The following USP6 variants were observed in gnomAD, a reference collection of about 807,000 sequenced individuals.
USP6 encodes the protein ubiquitin carboxyl-terminal hydrolase 6.
Under a neutral mutation model 175.7 loss-of-function variants are expected in USP6, and 128 were observed. The ratio of observed to expected loss-of-function variants is 0.73; its 90% CI spans 0.63 to 0.84. USP6 has a LOEUF of 0.84. Among genes scored for constraint, USP6 ranks in the 40% least tolerant of loss-of-function variants. USP6 has a pLI of 0.00. For synonymous variants in USP6, 562 were observed against 630.6 expected (o/e 0.89, Z 1.63); for missense variants, 1,498 against 1,760.3 (o/e 0.85, Z 2.67).
intron 3 of USP6, among the ~76,000 whole-genome samples, chr17:5,121,048 G>A (rs894394821): frequency 1.3e-5 from 2 of 152,192 alleles, no homozygotes; most frequent in African/African-American, 4.8e-5. Flanking sequence ...CTGTTTACAG[G>A]ATGTGTGTAT....
Position 5,141,180 on chromosome 17 carries a change from C to G in USP6, c.1499-245C>G, listed in dbSNP as rs143171839. ...AGGTTTGTAGCCAAGGAGCAACAGC[C>G]TATACCATACATAGCCTAGGTTTGT... On this transcript the variant is annotated intron_variant, in intron 22 of 37. Transcript: ENST00000574788. Among the ~76,000 whole-genome samples the G allele has an allele frequency of 3.2e-3, 486 of 152,252 alleles. 4 individuals are homozygous for G. Among genetic ancestry groups the G allele is most frequent in the African/African-American group, 9.6e-3 (399 of 41,554 alleles).
At chr17:5,156,652 T>C (rs1390246078) in intron 31 of USP6, among the ~76,000 whole-genome samples, 3 of 152,142 alleles carry the variant, frequency 2.0e-5, no homozygotes, top group Non-Finnish European at 4.4e-5. Flanking sequence ...AGTTCTGTTT[T>C]ATGGTAACTA....
chr17:5,132,381 T>C lies in USP6; in HGVS notation c.156-15T>C. 1 of 1,612,200 alleles carries C rather than the reference T, an allele frequency of 6.2e-7. No homozygotes were observed. Among genetic ancestry groups the C allele is most frequent in the Non-Finnish European group, 8.5e-7 (1 of 1,179,842 alleles). On this transcript the variant is annotated splice_polypyrimidine_tract_variant and intron_variant, in intron 11 of 37. Transcript: ENST00000574788. This position sits in a 1 kb window ranked among gnomAD's most constrained non-coding sequence, Gnocchi z 4.7. ...CCCTGTGCACGTCCTCAGCTCTGCC[T>C]GGGTTGCCTTACAGTGAGACGGAGC...
intron 2 of USP6, among the ~76,000 whole-genome samples, chr17:5,119,058 C>T (rs529540342): frequency 1.3e-5 from 2 of 152,332 alleles, no homozygotes; most frequent in East Asian, 1.9e-4. Flanking sequence ...CCTGCCACAT[C>T]TGCTTAGAAT....
rs561649738 is a variant in USP6 at position 5,138,947 on chromosome 17, T to A, written c.1079-308T>A. On this transcript the variant is annotated intron_variant, in intron 21 of 37. Coordinates refer to ENST00000574788, the MANE Select transcript of USP6 (RefSeq NM_001304284.2). ...ACATCCAAGGCCCCTCCCACTTGAG[T>A]TCTGATGGGGGGCCATATCCCAGGC... The A allele has an allele frequency of 1.5e-4, 208 of 1,386,142 alleles. 8 individuals carry two copies. In the Admixed American group the frequency reaches 4.1e-3, roughly 27 times the overall value. The allele number at this position is 1,386,142 out of a possible 1,614,324, so 85.9% of individuals were successfully genotyped here. A position where few individuals can be genotyped will look rare whatever the true frequency, so the allele number is the denominator to read the frequency against.
At chr17:5,134,107 A>G (rs996417030) in intron 15 of USP6, 111 bp downstream of exon 15, 1 of 1,182,458 alleles carries the variant, frequency 8.5e-7, no homozygotes, top group Non-Finnish European at 1.2e-6. Context: ...AGAGCTGCCA[A>G]GAGCTCTCCT....
intron 22 of USP6, among the ~76,000 whole-genome samples, chr17:5,140,624 T>C (rs1392704543): frequency 6.6e-6 from 1 of 152,192 alleles, no homozygotes; most frequent in Admixed American, 6.5e-5. Context: ...AACTAAATAA[T>C]AATGTGAACT....
intron 3 of USP6, 112 bp from the exon 4 acceptor site, chr17:5,121,263 C>T (rs1336657121): frequency 8.2e-6 from 3 of 365,614 alleles, no homozygotes; most frequent in Non-Finnish European, 1.6e-5. Context: ...GTGCAGGTGC[C>T]TTTGGGGCCC....
chr17:5,165,775 A>G (rs953203717), intron 33 of USP6, among the ~76,000 whole-genome samples: 4 of 152,180 alleles, frequency 2.6e-5, no homozygotes, highest in Non-Finnish European at 5.9e-5. Context: ...TTTAAACAGT[A>G]GTAGAGGATC....
At chr17:5,158,490 C>A (rs1445656032) in intron 31 of USP6, among the ~76,000 whole-genome samples, 1 of 151,636 alleles carries the variant, frequency 6.6e-6, no homozygotes, top group East Asian at 1.9e-4. Flanking sequence ...TCACTTCAAC[C>A]CTGGAGGTGG....
At chr17:5,164,217 G>A (rs1440523549) in intron 33 of USP6, among the ~76,000 whole-genome samples, 1 of 152,154 alleles carries the variant, frequency 6.6e-6, no homozygotes, top group Non-Finnish European at 1.5e-5. Flanking sequence ...GTCTTGTTAT[G>A]CTATGGAGGA....
chr17:5,130,279 C>A (rs769752164), intron 9 of USP6, 88 bp from the exon 10 acceptor site: 5 of 1,337,298 alleles, frequency 3.7e-6, no homozygotes, highest in Non-Finnish European at 5.3e-6. Flanking sequence ...ATACAACCAG[C>A]CAGCATCTGG....
intron 3 of USP6, among the ~76,000 whole-genome samples, chr17:5,121,124 T>C (rs3930860): frequency 0.98 from 149,514 of 152,296 alleles, 73,470 homozygotes; most frequent in East Asian, 1. Context: ...GGGACAGCAA[T>C]AGGTGCAAAA....
In USP6 at chr17:5,173,593, G is replaced by C. The variant is rs558001038; in HGVS notation, c.*615G>C. On this transcript the variant is annotated 3_prime_UTR_variant, in exon 38 of 38. Coordinates refer to ENST00000574788, the MANE Select transcript of USP6 (RefSeq NM_001304284.2). The stretch of plus-strand genomic sequence containing the variant: ...AGACACAACCAGTCATTGGTGGCAG[G>C]GGCATAGAGTGGTCAGTCTGAAAGG... The C allele has an allele frequency of 2.5e-4, 55 of 219,494 alleles. No homozygotes were observed. Among genetic ancestry groups the C allele is most frequent in the African/African-American group, 1.2e-3 (54 of 44,688 alleles). 13.6% of individuals were successfully genotyped at this position (219,494 alleles called of 1,614,324 possible).
chr17:5,125,564 CA>C (rs1379322317), intron 5 of USP6, among the ~76,000 whole-genome samples: 1 of 151,990 alleles, frequency 6.6e-6, no homozygotes, highest in East Asian at 1.9e-4. Flanking sequence ...TGCTGTGGTC[CA>C]AGGAATCTTA....
intron 35 of USP6, among the ~76,000 whole-genome samples, chr17:5,169,695 G>A (rs1005361356): frequency 3.1e-4 from 47 of 152,154 alleles, no homozygotes; most frequent in Non-Finnish European, 8.8e-5. Flanking sequence ...TCCTGCTTCG[G>A]CCTCCTAAAG....
Position 5,120,680 on chromosome 17 carries a change from C to T in USP6, c.-1783C>T, listed in dbSNP as rs944501086. 7.4e-6 allele frequency: 3 copies of T among 406,862 alleles called. No homozygotes were observed. Among genetic ancestry groups the T allele is most frequent in the Non-Finnish European group, 1.5e-5 (3 of 206,558 alleles). The allele number at this position is 406,862 out of a possible 1,614,324, so 25.2% of individuals were successfully genotyped here. A position where few individuals can be genotyped will look rare whatever the true frequency, so the allele number is the denominator to read the frequency against. On this transcript the variant is annotated 5_prime_UTR_variant, in exon 3 of 38. Coordinates refer to ENST00000574788, the MANE Select transcript of USP6 (RefSeq NM_001304284.2). Reference sequence around the variant, plus strand: ...ATGAGGATGTCAGTGTGAAGATGGACACTGTGCCTGGAGTGAACCTGAGCT... The same window carrying T: ...ATGAGGATGTCAGTGTGAAGATGGATACTGTGCCTGGAGTGAACCTGAGCT...
chr17:5,162,685 A>G (rs182350241), intron 32 of USP6, among the ~76,000 whole-genome samples, 199 bp from the exon 33 acceptor site: 6 of 152,346 alleles, frequency 3.9e-5, no homozygotes, highest in African/African-American at 1.4e-4. Flanking sequence ...TTGAAAAGTG[A>G]AAAGCATGAT....
Position 5,130,587 on chromosome 17 carries a change from C to T in USP6, c.73-15C>T. On this transcript the variant is annotated splice_polypyrimidine_tract_variant and intron_variant, in intron 10 of 37. Transcript: ENST00000574788. ...TTACCTTGGACCCCTCACCAAGGCTCCCTCTGGGTTACAGGGACACCGAGC... is the reference window on the plus strand; with the variant it reads ...TTACCTTGGACCCCTCACCAAGGCTTCCTCTGGGTTACAGGGACACCGAGC... 6.2e-7 allele frequency: 1 copy of T among 1,613,652 alleles called. No homozygotes were observed. Among genetic ancestry groups the T allele is most frequent in the Non-Finnish European group, 8.5e-7 (1 of 1,179,738 alleles).
Sources: allele counts gnomAD v4.1 joint callset (sites outside exome capture counted in the v4.1 genomes callset), GRCh38; gene constraint gnomAD v4.1.1; non-coding constraint Gnocchi (gnomAD v3.1); transcripts MANE v1.5; gene names NCBI Gene and HGNC (gene_info 2026-07-23, HGNC 2026-07-21).